LRRC4C: variants seen among roughly 807,000 people sequenced by gnomAD.
LRRC4C encodes the protein leucine-rich repeat-containing protein 4C.
LRRC4C carries 5 observed loss-of-function variants against 33.6 expected under a neutral mutation model. The observed-to-expected ratio is 0.15, with a 90% CI of 0.08 to 0.31. The LOEUF is 0.31. LRRC4C is among the 10% of genes least tolerant of loss of function. The pLI, the probability that LRRC4C is intolerant of heterozygous loss-of-function variation, is 1.00. For missense variants in LRRC4C, 560 were observed against 796.7 expected (o/e 0.70, Z 3.58); for synonymous variants, 329 against 302.0 (o/e 1.09, Z -0.93).
chr11:41,434,431 A>T (rs768665248), intron 1 of LRRC4C, among the ~76,000 whole-genome samples: 1 of 152,134 alleles, frequency 6.6e-6, no homozygotes, highest in Admixed American at 6.6e-5. Flanking sequence ...ATGTATGGTC[A>T]AAATCTTTGG....
At chr11:41,128,901 T>C (rs1342609219) in intron 1 of LRRC4C, among the ~76,000 whole-genome samples, 1 of 152,040 alleles carries the variant, frequency 6.6e-6, no homozygotes, top group Admixed American at 6.6e-5. Context: ...ATATATTTGA[T>C]TACCACACTT....
chr11:40,856,427 A>T (rs1278323219), intron 2 of LRRC4C, among the ~76,000 whole-genome samples: 1 of 152,200 alleles, frequency 6.6e-6, no homozygotes, highest in Non-Finnish European at 1.5e-5. Flanking sequence ...ACAAGAGAAA[A>T]AATTGCTCAT....
chr11:41,330,599 C>A (rs1235193309), intron 1 of LRRC4C, among the ~76,000 whole-genome samples: 1 of 152,064 alleles, frequency 6.6e-6, no homozygotes, highest in Non-Finnish European at 1.5e-5. Context: ...GAGACAGGGT[C>A]TCCCAGTCTG....
At position 40,504,161 on chromosome 11, in the gene LRRC4C, AT is replaced by A. The variant is rs150063199; in HGVS notation, c.-270+143980del. Among the ~76,000 whole-genome samples, 338 of 149,368 alleles carry A rather than the reference AT, an allele frequency of 2.3e-3. 1 individual carries two copies. Among genetic ancestry groups the A allele is most frequent in the Middle Eastern group, 0.01 (3 of 292 alleles). ...ATTTTGGAGTAACTTCATTGCTCCC[AT>A]TTTTTTTTTAACATTTATCATCTGG... is the stretch of plus-strand genomic sequence containing the variant. On this transcript the variant is annotated intron_variant, in intron 3 of 6. Coordinates refer to ENST00000528697, the MANE Select transcript of LRRC4C (RefSeq NM_001258419.2).
chr11:40,809,006 C>G (rs1208323073), intron 2 of LRRC4C, among the ~76,000 whole-genome samples: 2 of 152,174 alleles, frequency 1.3e-5, no homozygotes, highest in East Asian at 3.9e-4. Flanking sequence ...AGTTATTCCT[C>G]TCTGATGCTC....
chr11:40,307,124 G>A (rs1945079516), intron 4 of LRRC4C, among the ~76,000 whole-genome samples: 1 of 151,684 alleles, frequency 6.6e-6, no homozygotes, highest in Non-Finnish European at 1.5e-5. Context: ...GTACCCACTA[G>A]ATGGCAGTAG....
chr11:40,705,055 A>C lies in LRRC4C; in HGVS notation c.-406-56777T>G, dbSNP rs552481650. 1.2e-3 allele frequency among the ~76,000 whole-genome samples: 190 copies of C among 152,114 alleles called. 2 individuals carry two copies. Among genetic ancestry groups the C allele is most frequent in the Non-Finnish European group, 1.9e-3 (131 of 68,010 alleles). On this transcript the variant is annotated intron_variant, in intron 2 of 6. Transcript: ENST00000528697. Reference sequence around the variant, plus strand: ...ACATACACACACACACAAACACATTATGTGATTTAATCCTCATTACAATCC... The same window carrying C: ...ACATACACACACACACAAACACATTCTGTGATTTAATCCTCATTACAATCC...
At chr11:40,210,224 G>A (rs1863486891) in intron 5 of LRRC4C, among the ~76,000 whole-genome samples, 1 of 151,670 alleles carries the variant, frequency 6.6e-6, no homozygotes, top group African/African-American at 2.4e-5. Flanking sequence ...GCCAAGATCG[G>A]CCTGGGCGAC....
At chr11:40,542,532 T>C (rs1357743054) in intron 3 of LRRC4C, among the ~76,000 whole-genome samples, 1 of 152,166 alleles carries the variant, frequency 6.6e-6, no homozygotes, top group Admixed American at 6.6e-5. Context: ...TGTAGGTTCT[T>C]CTCTGTTTCC....
At chr11:41,141,993 C>T (rs1368026004) in intron 1 of LRRC4C, among the ~76,000 whole-genome samples, 1 of 151,856 alleles carries the variant, frequency 6.6e-6, no homozygotes, top group Admixed American at 6.6e-5. Flanking sequence ...AAAAAAGACT[C>T]ACAAAAGATA....
At chr11:41,317,931 T>G (rs1038690532) in intron 1 of LRRC4C, among the ~76,000 whole-genome samples, 10 of 152,062 alleles carry the variant, frequency 6.6e-5, no homozygotes, top group African/African-American at 2.4e-4. Context: ...TGAGGATATA[T>G]GGCATAAAAT....
intron 1 of LRRC4C, among the ~76,000 whole-genome samples, chr11:41,183,000 T>C (rs1945522015): frequency 6.6e-6 from 1 of 152,046 alleles, no homozygotes; most frequent in Non-Finnish European, 1.5e-5. Context: ...TCCCATTTTT[T>C]AAAACCATCA....
chr11:40,529,973 A>T (rs1192727717), intron 3 of LRRC4C, among the ~76,000 whole-genome samples: 2 of 152,134 alleles, frequency 1.3e-5, no homozygotes, highest in Non-Finnish European at 2.9e-5. Flanking sequence ...GTATAATTTT[A>T]AAAAATAAGG....
At chr11:40,333,161 C>G (rs780720521) in intron 3 of LRRC4C, among the ~76,000 whole-genome samples, 1 of 151,976 alleles carries the variant, frequency 6.6e-6, no homozygotes, top group Non-Finnish European at 1.5e-5. Context: ...TTTTTGAACT[C>G]CTCCTCTTGC....
chr11:40,887,377 T>C (rs1955517371), intron 2 of LRRC4C, among the ~76,000 whole-genome samples: 1 of 152,034 alleles, frequency 6.6e-6, no homozygotes, highest in East Asian at 1.9e-4. Flanking sequence ...CTAGATGCAC[T>C]TCTTCGTATG....
chr11:41,366,302 T>C (rs915581069), intron 1 of LRRC4C, among the ~76,000 whole-genome samples: 4 of 152,070 alleles, frequency 2.6e-5, no homozygotes, highest in Non-Finnish European at 5.9e-5. Context: ...CAGTCCACTC[T>C]AATCTGTAGA....
At chr11:41,164,588 G>C (rs2136052914) in intron 1 of LRRC4C, among the ~76,000 whole-genome samples, 1 of 152,216 alleles carries the variant, frequency 6.6e-6, no homozygotes, top group Admixed American at 6.5e-5. Context: ...CAGTGCAGTA[G>C]GATTCTTGAC....
chr11:40,200,235 G>A (rs1298576708), intron 5 of LRRC4C, among the ~76,000 whole-genome samples: 1 of 140,200 alleles, frequency 7.1e-6, no homozygotes, highest in East Asian at 2.1e-4. Flanking sequence ...TTGGTGGCAG[G>A]TGCCTGTAAT....
At chr11:40,400,741 A>C (rs924803758) in intron 3 of LRRC4C, among the ~76,000 whole-genome samples, 2 of 152,068 alleles carry the variant, frequency 1.3e-5, no homozygotes, top group Non-Finnish European at 2.9e-5. Context: ...AGGAATAATC[A>C]TTGCTTTTTC....
Sources: gnomAD v4.1 joint callset for allele counts (sites outside exome capture counted in the v4.1 genomes callset) on GRCh38, gnomAD v4.1.1 for gene constraint, MANE v1.5 for transcripts, NCBI Gene and HGNC (gene_info 2026-07-23, HGNC 2026-07-21) for gene names.